Variants in LHX3 observed in about 807,000 individuals in gnomAD.
LHX3 encodes LIM homeobox 3.
A neutral mutation model predicts 32.4 loss-of-function variants in LHX3; 21 were observed. The ratio of observed to expected loss-of-function variants is 0.65; its 90% CI spans 0.46 to 0.93. The LOEUF is 0.93. LHX3 is among the 40% of genes least tolerant of loss of function. The pLI, the probability that LHX3 is intolerant of heterozygous loss-of-function variation, is 0.00. For synonymous variants in LHX3, 258 were observed against 246.8 expected, an observed-to-expected ratio of 1.05 and a Z score of -0.43; for missense variants, 626 against 560.0, an observed-to-expected ratio of 1.12 and a Z score of -1.19.
At position 136,199,951 on chromosome 9, in the gene LHX3, A is replaced by C. The variant is rs1924521; in HGVS notation, c.252-71T>G. The C allele has an allele frequency of 0.82, 1,216,650 of 1,487,070 alleles. 499,217 individuals are homozygous for C. The highest frequency in any genetic ancestry group is 0.97 in the African/African-American group (69,559 of 72,042). 92.1% of individuals were successfully genotyped at this position (1,487,070 alleles called of 1,614,324 possible). A position where few individuals can be genotyped will look rare whatever the true frequency, so the allele number is the denominator to read the frequency against. On this transcript the variant is annotated intron_variant, in intron 2 of 5. Coordinates refer to ENST00000371748, the MANE Select transcript of LHX3 (RefSeq NM_178138.6). ...ATTTCGCCCCGAGCGGGTTGGAGAGAGGCAAGCGGCTGCCTGGGAAGGCGG... is the reference window on the plus strand; with the variant it reads ...ATTTCGCCCCGAGCGGGTTGGAGAGCGGCAAGCGGCTGCCTGGGAAGGCGG...
rs538881552 is a variant in LHX3, at chr9:136,204,876, T to C, written c.79+58A>G. The C allele has an allele frequency of 3.5e-4, 504 of 1,433,234 alleles. 4 individuals are homozygous for C. Among genetic ancestry groups the C allele is most frequent in the South Asian group, 3.1e-3 (257 of 81,982 alleles). The allele number at this position is 1,433,234 out of a possible 1,614,324, so 88.8% of individuals were successfully genotyped here. On this transcript the variant is annotated intron_variant, in intron 1 of 5. Coordinates refer to ENST00000371748, the MANE Select transcript of LHX3 (RefSeq NM_178138.6). ...GGCCGCTGGCCCTGCACGCACCCCC[T>C]TCCTCGCGCCTCTGCCGCCCTTGCC...
In LHX3 at chr9:136,198,794, C is replaced by T. The variant is rs2131032541; in HGVS notation, c.633G>A (p.Lys211=). Residue 211 remains lysine (K), a synonymous_variant, in exon 5 of 6, where the codon AAG becomes AAA. Transcript: ENST00000371748. ...CGGCGTCCTTCTTCAGCCTCTTCTC[C>T]TTGGCCCGGCGGTTCTGGAACCAAA... The part of the protein sequence containing the change: ...VQVWFQNRRA[K]EKRLKKDAGR... 1 of 1,609,790 alleles carries T rather than the reference C, an allele frequency of 6.2e-7. No homozygotes were observed. The highest frequency in any genetic ancestry group is 8.5e-7 in the Non-Finnish European group (1 of 1,179,228).
chr9:136,198,125 G>C (rs1369394527), intron 5 of LHX3, among the ~76,000 whole-genome samples: 2 of 152,190 alleles, frequency 1.3e-5, no homozygotes, highest in Non-Finnish European at 2.9e-5. Flanking sequence ...GCCCAAAAGA[G>C]AGTGTCTTGT....
In LHX3 at chr9:136,197,254, C is replaced by A; in HGVS notation, c.*71G>T. ...GCCCTGGCCCCACTTCCTCGGAAACCCCAGCAGCCCCGAGCCGCCCACCCA... is the reference window on the plus strand; with the variant it reads ...GCCCTGGCCCCACTTCCTCGGAAACACCAGCAGCCCCGAGCCGCCCACCCA... On this transcript the variant is annotated 3_prime_UTR_variant, in exon 6 of 6. Coordinates refer to ENST00000371748, the MANE Select transcript of LHX3 (RefSeq NM_178138.6). 2 of 1,545,714 alleles carry A rather than the reference C, an allele frequency of 1.3e-6. No homozygotes were observed. The highest frequency in any genetic ancestry group is 1.1e-5 in the South Asian group (1 of 87,550).
Position 136,199,013 on chromosome 9 carries a change from C to T in LHX3, c.501G>A (p.Lys167=). 1 of 1,589,064 alleles carries T rather than the reference C, an allele frequency of 6.3e-7. No homozygotes were observed. The highest frequency in any genetic ancestry group is 1.7e-4 in the Middle Eastern group (1 of 5,938). Reference sequence around the variant, plus strand: ...AAGCGCTCTTCAGCGTCTCCAGCTGCTTGGCGGTGATGGTCGTGCGCGGCC... The same window carrying T: ...AAGCGCTCTTCAGCGTCTCCAGCTGTTTGGCGGTGATGGTCGTGCGCGGCC... The part of the protein sequence containing the change: ...AKRPRTTITA[K]QLETLKSAYN... The change falls in exon 4 of 6, where the codon AAG becomes AAA. Residue 167 remains lysine (K), a synonymous_variant. Coordinates refer to ENST00000371748, the MANE Select transcript of LHX3 (RefSeq NM_178138.6).
At chr9:136,201,789 C>T in intron 1 of LHX3, 3 of 815,720 alleles carry the variant, frequency 3.7e-6, no homozygotes, top group Non-Finnish European at 3.0e-6. Flanking sequence ...CCGGCAAAAC[C>T]GCAGCTCCGG....
At chr9:136,200,108 G>T (rs1241663509) in intron 2 of LHX3, 3 of 664,270 alleles carry the variant, frequency 4.5e-6, no homozygotes, top group African/African-American at 3.6e-5. Flanking sequence ...GCCATTGCCT[G>T]CAGGACCCAT....
rs3215774 is a variant in LHX3 at position 136,198,619 on chromosome 9, T to TCCC, written c.775+30_775+32dup. 1.3e-4 allele frequency: 201 copies of TCCC among 1,519,204 alleles called. 1 individual carries two copies. The highest frequency in any genetic ancestry group is 4.2e-4 in the Middle Eastern group (2 of 4,788). 94.1% of individuals were successfully genotyped at this position (1,519,204 alleles called of 1,614,324 possible). On this transcript the variant is annotated intron_variant, in intron 5 of 5. Transcript: ENST00000371748. ...CTGCGACCCCGCCGACGCGCGCTCG[T>TCCC]CCCCCCCCGAGCTCCGCGATCCCTC...
Position 136,197,462 on chromosome 9 carries a change from C to CG in LHX3, c.1056dup (p.Gly353ArgfsTer17), listed in dbSNP as rs1564281130. 1 of 1,576,076 alleles carries CG rather than the reference C, an allele frequency of 6.3e-7. No homozygotes were observed. On this transcript the variant is annotated frameshift_variant, in exon 6 of 6. Transcript: ENST00000371748. LOFTEE classifies it high-confidence loss of function. ...AGCACCCTCATGGGTGGGGGCCCGC[C>CG]GGGGGCTCCCGAGGGCACAAGGCCC...
Position 136,197,397 on chromosome 9 carries a change from G to A in LHX3, c.1122C>T (p.Ser374=). Residue 374 remains serine (S), a synonymous_variant, in exon 6 of 6, where the codon AGC becomes AGT. Transcript: ENST00000371748. ...CAGGGAAGTCGGGGTAACCCCCGCT[G>A]CTCCCCGTGGATAGGTCAGAACTGG... ...NGPSSDLSTG[S]SGGYPDFPAS... 1 of 1,610,482 alleles carries A rather than the reference G, an allele frequency of 6.2e-7. No homozygotes were observed. The highest frequency in any genetic ancestry group is 8.5e-7 in the Non-Finnish European group (1 of 1,179,222).
At chr9:136,198,532 G>A in intron 5 of LHX3, 120 bp downstream of exon 5, 1 of 1,168,506 alleles carries the variant, frequency 8.6e-7, no homozygotes, top group Non-Finnish European at 1.2e-6. Flanking sequence ...GCTTTTGAAA[G>A]TAGAACTTAA....
chr9:136,200,777 G>C (rs763978653), intron 1 of LHX3, 24 bp from the exon 2 acceptor site: 12 of 1,612,792 alleles, frequency 7.4e-6, no homozygotes, highest in Non-Finnish European at 1.0e-5. Flanking sequence ...GAAGTTCTGG[G>C]TCACCTCGTA....
In LHX3 at chr9:136,199,790, G is replaced by A. The variant is rs1426230560; in HGVS notation, c.342C>T (p.His114=). 5.6e-6 allele frequency: 9 copies of A among 1,612,626 alleles called. No homozygotes were observed. The highest frequency in any genetic ancestry group is 7.6e-6 in the Non-Finnish European group (9 of 1,179,826). ...GCTTGCACACGACGCAGGCAAAGCA[G>A]TGCAGGTGGTACACGAAGTCCTGGG... ...RRAQDFVYHL[H]CFACVVCKRQ... Residue 114 remains histidine, a synonymous_variant, in exon 3 of 6, where the codon CAC becomes CAT. Transcript: ENST00000371748.
chr9:136,201,331 G>A (rs1204261274), intron 1 of LHX3: 2 of 1,258,206 alleles, frequency 1.6e-6, no homozygotes, highest in Admixed American at 7.5e-5. Flanking sequence ...AATTACTTAT[G>A]AGTGGACTGG....
chr9:136,197,638 G>C lies in LHX3; in HGVS notation c.881C>G (p.Ser294Cys), dbSNP rs754345691. Residue 294 changes from serine (S) to cysteine (C), a missense_variant, in exon 6 of 6, where the codon TCC becomes TGC. Transcript: ENST00000371748. The stretch of plus-strand genomic sequence containing the variant: ...GCCTGCCAGGCCTCCATGCTCCAGG[G>C]AGAAGTTGCCCAGGGCTCCCGAGGG... ...GRPSGALGNF[S>C]LEHGGLAGPE... The C allele has an allele frequency of 2.1e-5, 33 of 1,588,808 alleles. No homozygotes were observed. Among genetic ancestry groups the C allele is most frequent in the Non-Finnish European group, 2.1e-5 (24 of 1,169,438 alleles).
Position 136,197,066 on chromosome 9 carries a change from A to C in LHX3, c.*259T>G, listed in dbSNP as rs1377337185. ...CAGCAAGTGCTCAGTTAATTGGTCA[A>C]TAAAGGGGAGAAATTTGCTTACAAA... On this transcript the variant is annotated 3_prime_UTR_variant, in exon 6 of 6. Coordinates refer to ENST00000371748, the MANE Select transcript of LHX3 (RefSeq NM_178138.6). The C allele has an allele frequency of 5.1e-6, 3 of 584,114 alleles. No homozygotes were observed. The highest frequency in any genetic ancestry group is 9.2e-6 in the Non-Finnish European group (3 of 326,658). The allele number at this position is 584,114 out of a possible 1,614,324, so 36.2% of individuals were successfully genotyped here.
At chr9:136,203,014 G>A (rs1291810382) in intron 1 of LHX3, 2 of 1,523,296 alleles carry the variant, frequency 1.3e-6, no homozygotes, top group Non-Finnish European at 1.8e-6. Flanking sequence ...CTCCCGGGCC[G>A]GGCCCAGCTC....
In LHX3 at chr9:136,197,324, G is replaced by A. The variant is rs1189931062; in HGVS notation, c.*1C>T. ...AGGTGCAGGGTGGAGCCGGGCCTGG[G>A]TCAGAACTGAGCGTGGTCTACCTCA... On this transcript the variant is annotated 3_prime_UTR_variant, in exon 6 of 6. Transcript: ENST00000371748. The A allele has an allele frequency of 3.1e-6, 5 of 1,611,614 alleles. No individual in the cohort carries two copies. Among genetic ancestry groups the A allele is most frequent in the Non-Finnish European group, 3.4e-6 (4 of 1,179,884 alleles).
rs1043851783 is a variant in LHX3, at chr9:136,197,555, C to CG, written c.963dup (p.Ala322ArgfsTer48). On this transcript the variant is annotated frameshift_variant, in exon 6 of 6. Transcript: ENST00000371748. LOFTEE classifies it low-confidence loss of function (END_TRUNC). The stretch of plus-strand genomic sequence containing the variant: ...GGGCCAGGGAGGCTCTGCGGGGCGG[C>CG]GGGGGATGGGGGGACACCGTAGGGG... The CG allele has an allele frequency of 4.7e-6, 6 of 1,268,746 alleles. No homozygotes were observed. The Admixed American group carries it at 6.6e-5, about 14-fold the overall frequency. The allele number at this position is 1,268,746 out of a possible 1,614,324, so 78.6% of individuals were successfully genotyped here.
Sources: gnomAD v4.1 joint callset for allele counts (sites outside exome capture counted in the v4.1 genomes callset) on GRCh38, gnomAD v4.1.1 for gene constraint, MANE v1.5 for transcripts, NCBI Gene and HGNC (gene_info 2026-07-23, HGNC 2026-07-21) for gene names.